The following ELK3 variants were observed in gnomAD, a reference collection of about 807,000 sequenced individuals.
ELK3 encodes ETS transcription factor ELK3, also known as ETS domain-containing protein Elk-3.
A neutral mutation model predicts 28.9 loss-of-function variants in ELK3; 10 were observed. The ratio of observed to expected loss-of-function variants is 0.35; its 90% CI spans 0.21 to 0.59. The LOEUF is 0.59. ELK3 is among the 20% of genes least tolerant of loss of function. The pLI, the probability that ELK3 is intolerant of heterozygous loss-of-function variation, is 0.82. For synonymous variants in ELK3, 272 were observed against 243.5 expected (o/e 1.12, Z -1.09); for missense variants, 463 against 517.3 (o/e 0.90, Z 1.02).
At chr12:96,243,290 C>A (rs529302103) in intron 2 of ELK3, among the ~76,000 whole-genome samples, 1 of 152,300 alleles carries the variant, frequency 6.6e-6, no homozygotes, top group South Asian at 2.1e-4. Flanking sequence ...TCCTTCCTTC[C>A]ACCCCTCTCA....
chr12:96,201,179 C>T (rs1337805916), intron 1 of ELK3, among the ~76,000 whole-genome samples: 3 of 152,016 alleles, frequency 2.0e-5, no homozygotes, highest in African/African-American at 7.3e-5. Context: ...AAAGAAAAAT[C>T]CTTTCTGTAT....
At chr12:96,242,303 A>G (rs1443538979) in intron 2 of ELK3, among the ~76,000 whole-genome samples, 4 of 152,208 alleles carry the variant, frequency 2.6e-5, no homozygotes, top group African/African-American at 7.2e-5. Flanking sequence ...CTCTCCAGGT[A>G]CAAGCTTCCA....
intron 2 of ELK3, among the ~76,000 whole-genome samples, chr12:96,237,706 A>T (rs1951794392): frequency 6.6e-6 from 1 of 152,264 alleles, no homozygotes; most frequent in Non-Finnish European, 1.5e-5. Context: ...GCTTGAGCCC[A>T]GGAGCTCCAG....
intron 1 of ELK3, among the ~76,000 whole-genome samples, chr12:96,214,133 A>G (rs1951594300): frequency 6.6e-6 from 1 of 152,160 alleles, no homozygotes; most frequent in Non-Finnish European, 1.5e-5. Flanking sequence ...AGTTATTTAA[A>G]AAACATTGCA....
chr12:96,205,364 C>T (rs900711825), intron 1 of ELK3, among the ~76,000 whole-genome samples: 3 of 152,202 alleles, frequency 2.0e-5, no homozygotes, highest in African/African-American at 7.2e-5. Flanking sequence ...AACCCTCTGG[C>T]AACTAGAATT....
chr12:96,257,354 A>G (rs1338031418), intron 3 of ELK3, among the ~76,000 whole-genome samples: 1 of 152,236 alleles, frequency 6.6e-6, no homozygotes, highest in East Asian at 1.9e-4. Flanking sequence ...TGCATATATT[A>G]TAGAAGACAT....
At chr12:96,234,627 ATTTTG>A (rs1377212494) in intron 2 of ELK3, among the ~76,000 whole-genome samples, 2 of 152,160 alleles carry the variant, frequency 1.3e-5, no homozygotes, top group Non-Finnish European at 2.9e-5. Context: ...TGTGTGCAGC[ATTTTG>A]TTTTAAGCCA....
chr12:96,215,510 C>T (rs377199165), intron 1 of ELK3, among the ~76,000 whole-genome samples: 2 of 151,536 alleles, frequency 1.3e-5, no homozygotes, highest in South Asian at 2.1e-4. Flanking sequence ...GCGGGCACAG[C>T]GTAATGAGAA....
In ELK3 at chr12:96,269,376, T is replaced by A. The variant is rs1208821106; in HGVS notation, c.*2196T>A. The A allele has an allele frequency of 3.9e-5, 6 of 152,232 alleles. No homozygotes were observed. The highest frequency in any genetic ancestry group is 1.4e-4 in the African/African-American group (6 of 41,466). The allele number at this position is 152,232 out of a possible 1,614,324, so 9.4% of individuals were successfully genotyped here. ...TATACTTGTTTACGTAAATGCTGATTGGAAATATTTAAATGACTATAGATC... is the reference window on the plus strand; with the variant it reads ...TATACTTGTTTACGTAAATGCTGATAGGAAATATTTAAATGACTATAGATC... On this transcript the variant is annotated 3_prime_UTR_variant, in exon 5 of 5. Coordinates refer to ENST00000228741, the MANE Select transcript of ELK3 (RefSeq NM_005230.4).
chr12:96,209,306 G>A (rs1457739375), intron 1 of ELK3, among the ~76,000 whole-genome samples: 1 of 151,230 alleles, frequency 6.6e-6, no homozygotes, highest in East Asian at 1.9e-4. Flanking sequence ...CCTACCTTTT[G>A]CCTTGGATCT....
chr12:96,251,465 A>T (rs557568647), intron 3 of ELK3, among the ~76,000 whole-genome samples: 61 of 152,294 alleles, frequency 4.0e-4, no homozygotes, highest in Non-Finnish European at 7.2e-4. Context: ...AGAGCTGCGC[A>T]TCTCTCATTT....
intron 2 of ELK3, among the ~76,000 whole-genome samples, chr12:96,246,015 C>CA (rs966708637): frequency 1.5e-4 from 23 of 150,690 alleles, no homozygotes; most frequent in Middle Eastern, 3.4e-3. Context: ...GCTTTCTTGG[C>CA]AAAAAAAATA....
At chr12:96,203,669 G>A (rs1306041152) in intron 1 of ELK3, among the ~76,000 whole-genome samples, 1 of 152,130 alleles carries the variant, frequency 6.6e-6, no homozygotes, top group South Asian at 2.1e-4. Context: ...GGCTGGGCGC[G>A]GTGGCTCACA....
intron 2 of ELK3, among the ~76,000 whole-genome samples, chr12:96,237,000 G>C (rs1592682456): frequency 6.6e-6 from 1 of 152,096 alleles, no homozygotes; most frequent in African/African-American, 2.4e-5. Flanking sequence ...CTGCCTCCAC[G>C]TCCCATGACC....
Position 96,223,656 on chromosome 12 carries a change from T to C in ELK3, c.90T>C (p.Asp30=). Residue 30 remains aspartate, a synonymous_variant, in exon 2 of 5, where the codon GAT becomes GAC. Coordinates refer to ENST00000228741, the MANE Select transcript of ELK3 (RefSeq NM_005230.4). ...HEHLICWTSN[D]GEFKLLKAEE... ...ATTTGATCTGCTGGACCTCGAACGA[T>C]GGTGAATTCAAGCTCCTCAAAGCAG... 1 of 1,614,070 alleles carries C rather than the reference T, an allele frequency of 6.2e-7. No homozygotes were observed. Among genetic ancestry groups the C allele is most frequent in the Non-Finnish European group, 8.5e-7 (1 of 1,180,018 alleles).
Position 96,268,498 on chromosome 12 carries a change from CAG to C in ELK3, c.*1320_*1321del, listed in dbSNP as rs1952059234. ...AATACAGACATATTTTCTGTTCCAT[CAG>C]AAAATCAGCAGGCACCAGTCCAAAG... On this transcript the variant is annotated 3_prime_UTR_variant, in exon 5 of 5. Transcript: ENST00000228741. The C allele has an allele frequency of 1.3e-5, 2 of 152,122 alleles. No individual in the cohort carries two copies. Among genetic ancestry groups the C allele is most frequent in the African/African-American group, 4.8e-5 (2 of 41,428 alleles). 9.4% of individuals were successfully genotyped at this position (152,122 alleles called of 1,614,324 possible).
Position 96,268,341 on chromosome 12 carries a change from A to AAGTT in ELK3, c.*1164_*1167dup, listed in dbSNP as rs1952057508. On this transcript the variant is annotated 3_prime_UTR_variant, in exon 5 of 5. Coordinates refer to ENST00000228741, the MANE Select transcript of ELK3 (RefSeq NM_005230.4). ...GGATACACTGCTTTATGTATTACTA[A>AAGTT]AGTTAGGGGAGAATGAAGGAAATCT... 3 of 152,220 alleles carry AAGTT rather than the reference A, an allele frequency of 2.0e-5. No individual in the cohort carries two copies. Among genetic ancestry groups the AAGTT allele is most frequent in the South Asian group, 4.1e-4 (2 of 4,830 alleles). 9.4% of individuals were successfully genotyped at this position (152,220 alleles called of 1,614,324 possible).
Position 96,219,144 on chromosome 12 carries a change from C to G in ELK3, c.-2-4421C>G, listed in dbSNP as rs12316843. Among the ~76,000 whole-genome samples the G allele has an allele frequency of 1.5e-3, 233 of 152,256 alleles. 1 individual carries two copies. Among genetic ancestry groups the G allele is most frequent in the African/African-American group, 5.2e-3 (216 of 41,532 alleles). On this transcript the variant is annotated intron_variant, in intron 1 of 4. Transcript: ENST00000228741. Reference sequence around the variant, plus strand: ...CAAACATAAATCTCAAGTACCACCACTTTTTCAATTGTTGATTTAATAAAA... The same window carrying G: ...CAAACATAAATCTCAAGTACCACCAGTTTTTCAATTGTTGATTTAATAAAA...
chr12:96,253,994 G>A (rs71460332), intron 3 of ELK3, among the ~76,000 whole-genome samples: 47 of 152,356 alleles, frequency 3.1e-4, no homozygotes, highest in Non-Finnish European at 5.7e-4. Flanking sequence ...AGGACCCTGA[G>A]AACTGGCTAA....
Sources: allele counts gnomAD v4.1 joint callset (sites outside exome capture counted in the v4.1 genomes callset), GRCh38; gene constraint gnomAD v4.1.1; transcripts MANE v1.5; gene names NCBI Gene and HGNC (gene_info 2026-07-23, HGNC 2026-07-21).